Variants in MAD1L1 observed in about 807,000 individuals in gnomAD.
MAD1L1 encodes mitotic spindle assembly checkpoint protein MAD1.
In MAD1L1, 95 loss-of-function variants were observed where a neutral mutation model predicts 96.9. The ratio of observed to expected loss-of-function variants is 0.98; its 90% CI spans 0.83 to 1.16. The LOEUF (loss-of-function observed/expected upper bound fraction) is 1.16, where lower values mean the gene tolerates loss of function less well. MAD1L1 is among the 50% of genes most tolerant of loss of function. The pLI, the probability that MAD1L1 is intolerant of heterozygous loss-of-function variation, is 0.00. For synonymous variants in MAD1L1, 473 were observed against 396.6 expected (o/e 1.19, Z -2.29); for missense variants, 1,007 against 954.4 (o/e 1.06, Z -0.73).
At chr7:1,920,589 G>C (rs1788724855) in intron 17 of MAD1L1, among the ~76,000 whole-genome samples, 1 of 152,208 alleles carries the variant, frequency 6.6e-6, no homozygotes, top group African/African-American at 2.4e-5. Context: ...GCTGGTCAGT[G>C]GGTACAGACG....
At chr7:2,208,714 C>A (rs1353653585) in intron 10 of MAD1L1, among the ~76,000 whole-genome samples, 1 of 152,188 alleles carries the variant, frequency 6.6e-6, no homozygotes, top group East Asian at 1.9e-4. Flanking sequence ...CCTGCATTCC[C>A]AGATGGGCTC....
intron 12 of MAD1L1, among the ~76,000 whole-genome samples, chr7:2,037,701 C>A (rs1783502057): frequency 6.6e-6 from 1 of 152,148 alleles, no homozygotes; most frequent in South Asian, 2.1e-4. Flanking sequence ...ACACACTATG[C>A]TCCTCAGACG....
intron 16 of MAD1L1, among the ~76,000 whole-genome samples, chr7:1,940,827 G>C (rs1387197042): frequency 1.3e-5 from 2 of 151,942 alleles, no homozygotes; most frequent in East Asian, 1.9e-4. Flanking sequence ...TCTTAGTTGA[G>C]GGGCTGCACA....
At chr7:2,026,135 G>C (rs1782985971) in intron 12 of MAD1L1, among the ~76,000 whole-genome samples, 1 of 152,098 alleles carries the variant, frequency 6.6e-6, no homozygotes, top group South Asian at 2.1e-4. Flanking sequence ...AAAAGTAAAA[G>C]GTGCCAATGC....
intron 9 of MAD1L1, among the ~76,000 whole-genome samples, chr7:2,214,749 C>G (rs557087480): frequency 1.3e-5 from 2 of 152,164 alleles, no homozygotes. Flanking sequence ...CTCCTCTGCC[C>G]GCAACATGAC....
At chr7:2,082,548 T>C (rs3778947) in intron 11 of MAD1L1, among the ~76,000 whole-genome samples, 12,275 of 152,162 alleles carry the variant, frequency 0.081, 596 homozygotes, top group African/African-American at 0.13. Flanking sequence ...CCGGGTCTGG[T>C]GTGGGAGTGC....
At chr7:2,141,305 C>T (rs546626392) in intron 11 of MAD1L1, among the ~76,000 whole-genome samples, 6 of 152,380 alleles carry the variant, frequency 3.9e-5, no homozygotes, top group African/African-American at 1.2e-4. Flanking sequence ...CCATGACACC[C>T]GACCATGCCT....
intron 18 of MAD1L1, among the ~76,000 whole-genome samples, chr7:1,866,360 C>A (rs1397069024): frequency 6.6e-6 from 1 of 152,198 alleles, no homozygotes; most frequent in African/African-American, 2.4e-5. Context: ...TGGAGCCTTG[C>A]AGAGCCTGCT....
chr7:2,182,670 C>A (rs1419634898), intron 10 of MAD1L1, among the ~76,000 whole-genome samples: 1 of 152,158 alleles, frequency 6.6e-6, no homozygotes, highest in East Asian at 1.9e-4. Context: ...AGGGTAGACG[C>A]CCCTTGAGAA....
chr7:2,131,056 T>C (rs1030543634), intron 11 of MAD1L1, among the ~76,000 whole-genome samples: 3 of 152,212 alleles, frequency 2.0e-5, no homozygotes, highest in African/African-American at 4.8e-5. Context: ...TGGAAGAACC[T>C]TGCACTTGAA....
At chr7:2,056,314 AG>A (rs1276205423) in intron 12 of MAD1L1, among the ~76,000 whole-genome samples, 1 of 152,212 alleles carries the variant, frequency 6.6e-6, no homozygotes, top group African/African-American at 2.4e-5. Flanking sequence ...TCAGACCTAA[AG>A]AGGGGTGTGG....
intron 15 of MAD1L1, among the ~76,000 whole-genome samples, chr7:1,969,276 C>A (rs552840349): frequency 1.3e-5 from 2 of 152,134 alleles, no homozygotes; most frequent in East Asian, 1.9e-4. Flanking sequence ...CACAGCTACT[C>A]GGGAGGCTGA....
In MAD1L1 at chr7:2,114,384, G is replaced by A. The variant is rs1787550991; in HGVS notation, c.1073+34768C>T. ...AGCACAGCTCCCACCCTGCAGCACCGCCCAGCCGGGGCCAACACCAGAGGA... is the reference window on the plus strand; with the variant it reads ...AGCACAGCTCCCACCCTGCAGCACCACCCAGCCGGGGCCAACACCAGAGGA... On this transcript the variant is annotated intron_variant, in intron 11 of 18. Coordinates refer to ENST00000265854, the MANE Select transcript of MAD1L1 (RefSeq NM_001013836.2). This position sits in a 1 kb window ranked among gnomAD's most constrained non-coding sequence, Gnocchi z 4.2. Among the ~76,000 whole-genome samples the A allele has an allele frequency of 6.6e-6, 1 of 152,218 alleles. No individual in the cohort carries two copies. Among genetic ancestry groups the A allele is most frequent in the Admixed American group, 6.5e-5 (1 of 15,282 alleles).
intron 11 of MAD1L1, among the ~76,000 whole-genome samples, chr7:2,085,625 C>A (rs1005756582): frequency 1.3e-5 from 2 of 151,884 alleles, no homozygotes; most frequent in African/African-American, 4.8e-5. Flanking sequence ...ATCATGTCTT[C>A]AAGGCCAGTC....
chr7:2,192,022 C>T (rs1388820108), intron 10 of MAD1L1, among the ~76,000 whole-genome samples: 1 of 150,896 alleles, frequency 6.6e-6, no homozygotes, highest in Non-Finnish European at 1.5e-5. Context: ...CAGAGCGAGC[C>T]TCTGTCTCGA....
chr7:2,009,150 G>A (rs188959032), intron 13 of MAD1L1, among the ~76,000 whole-genome samples: 180 of 152,278 alleles, frequency 1.2e-3, no homozygotes, highest in African/African-American at 4.0e-3. Flanking sequence ...GCTGAGACAC[G>A]AGCCCCGGGC....
At chr7:2,002,234 C>A (rs1159295471) in intron 13 of MAD1L1, 113 bp from the exon 14 acceptor site, 2 of 1,092,544 alleles carry the variant, frequency 1.8e-6, no homozygotes, top group African/African-American at 3.1e-5. Context: ...TGGGGAGCAA[C>A]GGGACCCAGG....
chr7:2,105,148 T>C (rs969642116), intron 11 of MAD1L1, among the ~76,000 whole-genome samples: 1 of 152,014 alleles, frequency 6.6e-6, no homozygotes, highest in Non-Finnish European at 1.5e-5. Flanking sequence ...AGCCTCACTC[T>C]CTGAGGCCAC....
At chr7:2,134,885 G>A (rs566597666) in intron 11 of MAD1L1, among the ~76,000 whole-genome samples, 14 of 152,332 alleles carry the variant, frequency 9.2e-5, no homozygotes, top group African/African-American at 3.1e-4. Context: ...AGTCAGCTCT[G>A]CTGCTTATGG....
Sources: allele counts gnomAD v4.1 joint callset (sites outside exome capture counted in the v4.1 genomes callset), GRCh38; gene constraint gnomAD v4.1.1; non-coding constraint Gnocchi (gnomAD v3.1); transcripts MANE v1.5; gene names NCBI Gene and HGNC (gene_info 2026-07-23, HGNC 2026-07-21).